SNTG1: variants seen among roughly 807,000 people sequenced by gnomAD.
SNTG1 encodes the protein gamma-1-syntrophin.
SNTG1 carries 39 observed loss-of-function variants against 74.7 expected under a neutral mutation model. The ratio of observed to expected loss-of-function variants is 0.52; its 90% CI spans 0.40 to 0.68. The LOEUF (loss-of-function observed/expected upper bound fraction) is 0.68. Ranked by LOEUF, SNTG1 falls within the 30% of genes least tolerant of loss-of-function variation. SNTG1 has a pLI of 0.00. For missense variants in SNTG1, 685 were observed against 609.5 expected, an observed-to-expected ratio of 1.12 and a Z score of -1.30; for synonymous variants, 254 against 217.1, an observed-to-expected ratio of 1.17 and a Z score of -1.49.
At chr8:50,237,424 C>T (rs2085964313) in intron 2 of SNTG1, among the ~76,000 whole-genome samples, 1 of 152,108 alleles carries the variant, frequency 6.6e-6, no homozygotes, top group Admixed American at 6.5e-5. Context: ...GCCATCATTG[C>T]TGATCATTCA....
chr8:50,504,912 A>G (rs2093993656), intron 9 of SNTG1, among the ~76,000 whole-genome samples: 1 of 152,212 alleles, frequency 6.6e-6, no homozygotes, highest in Non-Finnish European at 1.5e-5. Flanking sequence ...CCTTAAGTCT[A>G]TGTACATTAT....
intron 1 of SNTG1, among the ~76,000 whole-genome samples, chr8:50,033,205 C>T (rs1026484263): frequency 6.6e-6 from 1 of 151,456 alleles, no homozygotes; most frequent in African/African-American, 2.4e-5. Flanking sequence ...CTCACCACAA[C>T]CTCTGCCTCC....
intron 1 of SNTG1, among the ~76,000 whole-genome samples, chr8:50,039,914 C>T (rs1369484041): frequency 6.6e-6 from 1 of 152,110 alleles, no homozygotes; most frequent in Non-Finnish European, 1.5e-5. Flanking sequence ...TTGCCTGCTA[C>T]GGAAGCTGCA....
chr8:50,129,137 C>T (rs776287018), intron 1 of SNTG1, among the ~76,000 whole-genome samples: 8 of 152,110 alleles, frequency 5.3e-5, no homozygotes, highest in Middle Eastern at 3.4e-3. Context: ...TTACTGAGTG[C>T]CTACTATGTG....
At chr8:50,674,687 T>A (rs1461441936) in intron 15 of SNTG1, among the ~76,000 whole-genome samples, 1 of 152,136 alleles carries the variant, frequency 6.6e-6, no homozygotes, top group Non-Finnish European at 1.5e-5. Flanking sequence ...TGACCTGAGT[T>A]ATTTCTTGTC....
At chr8:50,492,235 CTTTGGG>C (rs1323461420) in intron 8 of SNTG1, among the ~76,000 whole-genome samples, 1 of 152,132 alleles carries the variant, frequency 6.6e-6, no homozygotes, top group Non-Finnish European at 1.5e-5. Flanking sequence ...ATTTATAGTC[CTTTGGG>C]TATATACCCA....
intron 5 of SNTG1, among the ~76,000 whole-genome samples, chr8:50,440,858 G>T (rs956908331): frequency 6.6e-6 from 1 of 152,166 alleles, no homozygotes; most frequent in Non-Finnish European, 1.5e-5. Flanking sequence ...GCTGGACTCA[G>T]AACACATGGT....
intron 2 of SNTG1, among the ~76,000 whole-genome samples, chr8:50,322,465 G>A (rs917471546): frequency 3.3e-5 from 5 of 152,048 alleles, no homozygotes; most frequent in African/African-American, 1.2e-4. Flanking sequence ...GATCTTCTCT[G>A]TGTCCTTGAT....
chr8:49,914,007 A>T (rs1188408736), intron 1 of SNTG1, among the ~76,000 whole-genome samples: 1 of 152,152 alleles, frequency 6.6e-6, no homozygotes, highest in Non-Finnish European at 1.5e-5. Context: ...TCACAGAAAT[A>T]TGTAACTCTA....
chr8:50,239,339 T>C (rs1251236686), intron 2 of SNTG1, among the ~76,000 whole-genome samples: 1 of 152,154 alleles, frequency 6.6e-6, no homozygotes, highest in Non-Finnish European at 1.5e-5. Context: ...GGAGTTTTAA[T>C]TGTCTCACAG....
At chr8:50,288,741 A>G (rs2088924270) in intron 2 of SNTG1, among the ~76,000 whole-genome samples, 1 of 152,184 alleles carries the variant, frequency 6.6e-6, no homozygotes, top group African/African-American at 2.4e-5. Flanking sequence ...TAGTTATATG[A>G]TTAAAGGATG....
intron 1 of SNTG1, among the ~76,000 whole-genome samples, chr8:50,068,909 T>C (rs1821119725): frequency 6.6e-6 from 1 of 152,208 alleles, no homozygotes. Context: ...ACTTAAAACA[T>C]TATTTTTAAA....
rs1014707620 is a variant in SNTG1 at position 50,595,829 on chromosome 8, A to G, written c.849+4912A>G. 3.4e-4 allele frequency among the ~76,000 whole-genome samples: 52 copies of G among 151,858 alleles called. 1 individual carries two copies. The highest frequency in any genetic ancestry group is 1.2e-3 in the African/African-American group (50 of 41,374). On this transcript the variant is annotated intron_variant, in intron 13 of 18. Transcript: ENST00000642720. The stretch of plus-strand genomic sequence containing the variant: ...ATCATTCTTTCTAATGCTGGGTAGT[A>G]TTTTATCGGTGGCTCTACTACCATT...
At chr8:50,080,534 C>A (rs1822308919) in intron 1 of SNTG1, among the ~76,000 whole-genome samples, 1 of 152,088 alleles carries the variant, frequency 6.6e-6, no homozygotes, top group Non-Finnish European at 1.5e-5. Flanking sequence ...CCTGTTTCTC[C>A]TTTACTGGCT....
intron 2 of SNTG1, among the ~76,000 whole-genome samples, chr8:50,298,040 A>G (rs2130635308): frequency 6.6e-6 from 1 of 152,090 alleles, no homozygotes; most frequent in Non-Finnish European, 1.5e-5. Context: ...AGCTAAAAAA[A>G]AAAATCCATA....
At chr8:50,047,912 A>C (rs1791372841) in intron 1 of SNTG1, among the ~76,000 whole-genome samples, 1 of 152,192 alleles carries the variant, frequency 6.6e-6, no homozygotes, top group African/African-American at 2.4e-5. Flanking sequence ...GTTAAGACTT[A>C]AGGATCAAAA....
chr8:50,685,536 C>A (rs1250925448), intron 15 of SNTG1, among the ~76,000 whole-genome samples: 1 of 152,164 alleles, frequency 6.6e-6, no homozygotes, highest in Non-Finnish European at 1.5e-5. Context: ...AATATTTGAA[C>A]TTGTTTGTCA....
intron 2 of SNTG1, among the ~76,000 whole-genome samples, chr8:50,372,227 TG>T (rs1289289905): frequency 2.0e-5 from 3 of 152,022 alleles, no homozygotes; most frequent in African/African-American, 7.2e-5. Context: ...TGTGTGTGTG[TG>T]TGTGTGGTGG....
intron 8 of SNTG1, among the ~76,000 whole-genome samples, chr8:50,465,572 T>C (rs1026794191): frequency 6.6e-6 from 1 of 152,212 alleles, no homozygotes; most frequent in Admixed American, 6.5e-5. Flanking sequence ...ATAGTTTCAC[T>C]GCCCTAAAAA....
Sources: allele counts gnomAD v4.1 joint callset (sites outside exome capture counted in the v4.1 genomes callset), GRCh38; gene constraint gnomAD v4.1.1; transcripts MANE v1.5; gene names NCBI Gene and HGNC (gene_info 2026-07-23, HGNC 2026-07-21).